Variants in NEBL observed in about 807,000 individuals in gnomAD.
NEBL encodes the protein LIM and SH3 protein 2.
NEBL carries 122 observed loss-of-function variants against 140.2 expected under a neutral mutation model. The observed-to-expected ratio is 0.87, with a 90% CI of 0.75 to 1.01. The LOEUF (loss-of-function observed/expected upper bound fraction) is 1.01. NEBL is among the 50% of genes least tolerant of loss of function. The pLI, the probability that NEBL is intolerant of heterozygous loss-of-function variation, is 0.00. For synonymous variants in NEBL, 436 were observed against 398.9 expected, an observed-to-expected ratio of 1.09 and a Z score of -1.11; for missense variants, 1,365 against 1,231.3, an observed-to-expected ratio of 1.11 and a Z score of -1.62.
rs759454344 is a variant in NEBL, at chr10:21,146,345, T to C, written c.164+26038A>G. Reference sequence around the variant, plus strand: ...CTGCCCCCAACACATACTCTACCTGTTCATGTCTGGAATGTACATTTCAGC... The same window carrying C: ...CTGCCCCCAACACATACTCTACCTGCTCATGTCTGGAATGTACATTTCAGC... On this transcript the variant is annotated intron_variant, in intron 2 of 6. Coordinates refer to the NEBL transcript ENST00000417816. 1.9e-6 allele frequency: 3 copies of C among 1,611,158 alleles called. No homozygotes were observed. In the African/African-American group the frequency reaches 4.0e-5, roughly 22 times the overall value.
chr10:21,009,359 CTT>C (rs1160554077), intron 3 of NEBL, among the ~76,000 whole-genome samples: 4 of 152,132 alleles, frequency 2.6e-5, no homozygotes, highest in Non-Finnish European at 5.9e-5. Flanking sequence ...TTAGATTTAT[CTT>C]AGAAGACATT....
At position 20,835,412 on chromosome 10, in the gene NEBL, T is replaced by A. The variant is rs180809306; in HGVS notation, c.1449+101A>T. 1.2e-5 allele frequency: 11 copies of A among 905,422 alleles called. No individual in the cohort carries two copies. The East Asian group carries it at 2.4e-4, about 20-fold the overall frequency. 56.1% of individuals were successfully genotyped at this position (905,422 alleles called of 1,614,324 possible). The stretch of plus-strand genomic sequence containing the variant: ...CTCCATTCCAAACTGTTAAACCAGC[T>A]GCAATGCTTTGAGAAATTCCATATA... On this transcript the variant is annotated intron_variant, in intron 14 of 27. Transcript: ENST00000377122.
intron 2 of NEBL, among the ~76,000 whole-genome samples, chr10:21,093,827 A>G (rs937009287): frequency 1.3e-5 from 2 of 152,178 alleles, no homozygotes; most frequent in Non-Finnish European, 2.9e-5. Context: ...AATGTCCTAG[A>G]CTGGTTTCCT....
chr10:20,971,663 G>T (rs1836579218), intron 3 of NEBL, among the ~76,000 whole-genome samples: 1 of 138,116 alleles, frequency 7.2e-6, no homozygotes, highest in African/African-American at 2.7e-5. Context: ...ACCCAGGCTG[G>T]TGTGCAGTGG....
At chr10:20,914,145 G>A (rs1246727535) in intron 4 of NEBL, among the ~76,000 whole-genome samples, 1 of 152,182 alleles carries the variant, frequency 6.6e-6, no homozygotes, top group Non-Finnish European at 1.5e-5. Context: ...GTCATTTGGT[G>A]ACCAATGAGA....
chr10:21,258,491 G>T (rs1233805674), intron 1 of NEBL, among the ~76,000 whole-genome samples: 1 of 152,144 alleles, frequency 6.6e-6, no homozygotes, highest in East Asian at 1.9e-4. Context: ...GATCAACTGA[G>T]GCTGGGAGTT....
At chr10:21,035,250 G>A (rs1342087299) in intron 2 of NEBL, among the ~76,000 whole-genome samples, 2 of 151,940 alleles carry the variant, frequency 1.3e-5, no homozygotes, top group African/African-American at 4.8e-5. Flanking sequence ...TGCCCGCTTC[G>A]GCCTCCCAAA....
At chr10:20,827,504 T>C in intron 17 of NEBL, among the ~76,000 whole-genome samples, 1 of 152,234 alleles carries the variant, frequency 6.6e-6, no homozygotes. Flanking sequence ...GATGAGATGC[T>C]TCCTTAACTA....
At chr10:20,929,700 G>A (rs1442246020) in intron 4 of NEBL, among the ~76,000 whole-genome samples, 1 of 142,432 alleles carries the variant, frequency 7.0e-6, no homozygotes, top group Non-Finnish European at 1.5e-5. Flanking sequence ...TAAATAATGT[G>A]TACACGTGGA....
chr10:21,267,893 C>T (rs1170649154), intron 1 of NEBL, among the ~76,000 whole-genome samples: 2 of 152,176 alleles, frequency 1.3e-5, no homozygotes, highest in African/African-American at 4.8e-5. Flanking sequence ...TGGGACAGAG[C>T]TGCTCTATAA....
intron 11 of NEBL, among the ~76,000 whole-genome samples, chr10:20,847,640 G>C (rs1329414418): frequency 1.3e-5 from 2 of 152,106 alleles, no homozygotes; most frequent in Non-Finnish European, 1.5e-5. Flanking sequence ...AAAGGGAAAG[G>C]GGCAGGGGAG....
At chr10:20,870,118 G>C (rs1353777454) in intron 5 of NEBL, among the ~76,000 whole-genome samples, 1 of 151,910 alleles carries the variant, frequency 6.6e-6, no homozygotes, top group Non-Finnish European at 1.5e-5. Context: ...CTTGAGGTCA[G>C]GAGTTCGAGA....
At chr10:21,025,136 C>A (rs1450001831) in intron 2 of NEBL, among the ~76,000 whole-genome samples, 1 of 150,208 alleles carries the variant, frequency 6.7e-6, no homozygotes, top group Non-Finnish European at 1.5e-5. Context: ...AATGGATGTT[C>A]AAAGAGAATC....
At chr10:21,251,365 T>C (rs549739186) in intron 2 of NEBL, among the ~76,000 whole-genome samples, 3 of 152,336 alleles carry the variant, frequency 2.0e-5, no homozygotes, top group Admixed American at 6.5e-5. Flanking sequence ...CAGTTAATGG[T>C]ATCTCAGTCT....
chr10:20,907,765 GA>G (rs1231978824), intron 4 of NEBL, among the ~76,000 whole-genome samples: 2 of 152,094 alleles, frequency 1.3e-5, no homozygotes, highest in African/African-American at 4.8e-5. Context: ...CATCAGTGAG[GA>G]AAAACACAGT....
intron 2 of NEBL, among the ~76,000 whole-genome samples, chr10:21,169,067 AATATATATATATATATATATAT>A (rs1176763018): frequency 7.8e-4 from 18 of 23,072 alleles, no homozygotes; most frequent in Non-Finnish European, 1.4e-3. Context: ...AAAAAAAAAA[AATATATATATATATATATATAT>A]ATATATATAT....
intron 11 of NEBL, among the ~76,000 whole-genome samples, chr10:20,846,051 G>A (rs1460511655): frequency 6.6e-6 from 1 of 152,068 alleles, no homozygotes; most frequent in Non-Finnish European, 1.5e-5. Flanking sequence ...TGATAGCTGG[G>A]GGCTTAGATT....
chr10:20,929,052 G>T (rs1225575892), intron 4 of NEBL, among the ~76,000 whole-genome samples: 1 of 151,842 alleles, frequency 6.6e-6, no homozygotes, highest in Non-Finnish European at 1.5e-5. Flanking sequence ...GCCTCTAAAG[G>T]TTGGAGATCT....
intron 3 of NEBL, among the ~76,000 whole-genome samples, chr10:21,227,833 T>G (rs1247327971): frequency 6.7e-6 from 1 of 149,490 alleles, no homozygotes; most frequent in East Asian, 1.9e-4. Flanking sequence ...TCTTCTTTCT[T>G]CTTCTTCTTT....
Sources: allele counts gnomAD v4.1 joint callset (sites outside exome capture counted in the v4.1 genomes callset), GRCh38; gene constraint gnomAD v4.1.1; transcripts MANE v1.5; gene names NCBI Gene and HGNC (gene_info 2026-07-23, HGNC 2026-07-21).